KYAT1: variants seen among roughly 807,000 people sequenced by gnomAD.
KYAT1 encodes kynurenine aminotransferase 1, also known as kynurenine--oxoglutarate transaminase 1.
Under a neutral mutation model 52.4 loss-of-function variants are expected in KYAT1, and 47 were observed. The ratio of observed to expected loss-of-function variants is 0.90; its 90% CI spans 0.71 to 1.14. The LOEUF (loss-of-function observed/expected upper bound fraction) is 1.14. KYAT1 is among the 50% of genes most tolerant of loss of function. The pLI, the probability that KYAT1 is intolerant of heterozygous loss-of-function variation, is 0.00. For synonymous variants in KYAT1, 212 were observed against 209.6 expected (o/e 1.01, Z -0.10); for missense variants, 480 against 557.9 (o/e 0.86, Z 1.41).
chr9:128,869,879 G>A (rs981718130), intron 1 of KYAT1, among the ~76,000 whole-genome samples: 4 of 151,530 alleles, frequency 2.6e-5, no homozygotes, highest in African/African-American at 4.9e-5. Flanking sequence ...TCAGCCTCCC[G>A]AGTAGCTGGG....
chr9:128,836,520 A>C (rs1421005655), intron 7 of KYAT1, among the ~76,000 whole-genome samples: 5 of 151,870 alleles, frequency 3.3e-5, no homozygotes, highest in Non-Finnish European at 7.4e-5. Context: ...GCTGGTCTCA[A>C]ACTCCTGACC....
In KYAT1 at chr9:128,843,423, G is replaced by A. The variant is rs1025361722; in HGVS notation, c.54-622C>T. 2.7e-5 allele frequency among the ~76,000 whole-genome samples: 4 copies of A among 148,790 alleles called. No individual in the cohort carries two copies. In the East Asian group the frequency reaches 7.9e-4, roughly 29 times the overall value. On this transcript the variant is annotated intron_variant, in intron 2 of 12. Coordinates refer to ENST00000302586, the MANE Select transcript of KYAT1 (RefSeq NM_004059.5). ...TGACAGAGTTTCGCTCTATCCCCTA[G>A]GCTGGAGTGCAGTGGTGCAATCTCA...
chr9:128,854,445 C>T (rs2018156), intron 1 of KYAT1, among the ~76,000 whole-genome samples: 150,172 of 152,344 alleles, frequency 0.99, 74,044 homozygotes, highest in Middle Eastern at 1. Context: ...AGGTTTTGCT[C>T]GTGTTTCACC....
At position 128,858,395 on chromosome 9, in the gene KYAT1, T is replaced by TTAAAAAAAAAA; in HGVS notation, c.-6-12985_-6-12984insTTTTTTTTTTA. ...CTGGGCAACAGAGTGAGACCATGTA[T>TTAAAAAAAAAA]AAAAAAAAAAAAAAAAAAAAGCCCG... On this transcript the variant is annotated intron_variant, in intron 1 of 12. Transcript: ENST00000302586. 4.1e-4 allele frequency among the ~76,000 whole-genome samples: 27 copies of TTAAAAAAAAAA among 65,104 alleles called. 11 individuals carry two copies. The highest frequency in any genetic ancestry group is 1.5e-3 in the South Asian group (2 of 1,314). 42.7% of individuals were successfully genotyped at this position (65,104 alleles called of 152,430 possible).
chr9:128,845,556 G>A, intron 1 of KYAT1, 145 bp from the exon 2 acceptor site: 1 of 731,956 alleles, frequency 1.4e-6, no homozygotes, highest in Non-Finnish European at 2.3e-6. Context: ...TTTGCAGAAG[G>A]GCAGGTTTCT....
At chr9:128,851,476 T>C (rs972927479) in intron 1 of KYAT1, among the ~76,000 whole-genome samples, 2 of 152,170 alleles carry the variant, frequency 1.3e-5, no homozygotes, top group African/African-American at 4.8e-5. Flanking sequence ...GAAAATCTAA[T>C]TACGCTATTT....
At chr9:128,845,656 C>A in intron 1 of KYAT1, 1 of 532,052 alleles carries the variant, frequency 1.9e-6, no homozygotes, top group Non-Finnish European at 3.4e-6. Flanking sequence ...GCAGGGGCTG[C>A]CTGGCGCCTG....
rs1012352215 is a variant in KYAT1, at chr9:128,835,214, C to T, written c.1122+109G>A. The T allele has an allele frequency of 5.7e-5, 49 of 863,402 alleles. No homozygotes were observed. The African/African-American group carries it at 6.4e-4, about 11-fold the overall frequency. 53.5% of individuals were successfully genotyped at this position (863,402 alleles called of 1,614,324 possible). A position where few individuals can be genotyped will look rare whatever the true frequency, so the allele number is the denominator to read the frequency against. On this transcript the variant is annotated intron_variant, in intron 11 of 12. Coordinates refer to ENST00000302586, the MANE Select transcript of KYAT1 (RefSeq NM_004059.5). Reference sequence around the variant, plus strand: ...GGATACAACCCTGCCCCAAGGTTGACGGCAGAGGCTGGACTAAGATCTAGC... The same window carrying T: ...GGATACAACCCTGCCCCAAGGTTGATGGCAGAGGCTGGACTAAGATCTAGC...
intron 1 of KYAT1, among the ~76,000 whole-genome samples, chr9:128,873,910 C>T (rs1228584310): frequency 2.5e-4 from 37 of 148,308 alleles, no homozygotes; most frequent in Non-Finnish European, 3.4e-4. Flanking sequence ...TGCACCACTG[C>T]ACTCCAGCCC....
At chr9:128,847,403 G>T (rs771237701) in intron 1 of KYAT1, 122 of 1,442,106 alleles carry the variant, frequency 8.5e-5, no homozygotes, top group Non-Finnish European at 1.0e-4. Context: ...GGCCATGCAG[G>T]TGGCAGAGTA....
intron 1 of KYAT1, among the ~76,000 whole-genome samples, chr9:128,863,162 G>T (rs1368376297): frequency 1.3e-5 from 2 of 151,818 alleles, no homozygotes; most frequent in East Asian, 3.9e-4. Context: ...CCACAGGGTA[G>T]GTCTGTTCTA....
At chr9:128,874,565 C>T (rs1837693762) in intron 1 of KYAT1, among the ~76,000 whole-genome samples, 1 of 151,798 alleles carries the variant, frequency 6.6e-6, no homozygotes, top group South Asian at 2.1e-4. Context: ...CCTGCCTTAG[C>T]CTCCCAAAGT....
intron 1 of KYAT1, among the ~76,000 whole-genome samples, chr9:128,881,372 C>A (rs1479534805): frequency 1.3e-5 from 2 of 152,244 alleles, no homozygotes; most frequent in Non-Finnish European, 2.9e-5. Context: ...TGAGCCACCG[C>A]AACCGGCCCA....
intron 1 of KYAT1, among the ~76,000 whole-genome samples, chr9:128,858,423 C>T (rs1356685208): frequency 4.4e-4 from 19 of 42,838 alleles, no homozygotes; most frequent in African/African-American, 1.3e-3. Context: ...AAAGCCCGGG[C>T]ATGGTGGCTC....
At chr9:128,867,255 T>C (rs1005364853) in intron 1 of KYAT1, among the ~76,000 whole-genome samples, 2 of 152,112 alleles carry the variant, frequency 1.3e-5, no homozygotes, top group African/African-American at 2.4e-5. Flanking sequence ...TTATGGCTCA[T>C]TGCAGCTTAC....
At position 128,850,572 on chromosome 9, in the gene KYAT1, C is replaced by T. The variant is rs924888156; in HGVS notation, c.-6-5161G>A. Among the ~76,000 whole-genome samples, 5 of 152,294 alleles carry T rather than the reference C, an allele frequency of 3.3e-5. No homozygotes were observed. In the East Asian group the frequency reaches 9.7e-4, roughly 29 times the overall value. ...CCACAGGGACCTCTGCCTTGGAAAGCCGCGTATTGTCCGAGGTTTCTCCCC... is the reference window on the plus strand; with the variant it reads ...CCACAGGGACCTCTGCCTTGGAAAGTCGCGTATTGTCCGAGGTTTCTCCCC... On this transcript the variant is annotated intron_variant, in intron 1 of 12. Transcript: ENST00000302586.
intron 1 of KYAT1, among the ~76,000 whole-genome samples, chr9:128,878,517 G>T (rs1019284611): frequency 2.6e-5 from 4 of 152,086 alleles, no homozygotes; most frequent in Non-Finnish European, 2.9e-5. Context: ...ATTATATAAT[G>T]AATCCAAATT....
intron 1 of KYAT1, among the ~76,000 whole-genome samples, chr9:128,876,254 A>G (rs998876011): frequency 2.3e-5 from 3 of 129,760 alleles, no homozygotes; most frequent in African/African-American, 1.0e-4. Context: ...CTTTGCTTTT[A>G]AAAAAAAAAA....
intron 1 of KYAT1, among the ~76,000 whole-genome samples, chr9:128,862,076 C>T (rs560410030): frequency 2.0e-5 from 3 of 152,226 alleles, no homozygotes; most frequent in Non-Finnish European, 4.4e-5. Context: ...CACTCTCCCC[C>T]ACATCGGACT....
Sources: gnomAD v4.1 joint callset for allele counts (sites outside exome capture counted in the v4.1 genomes callset) on GRCh38, gnomAD v4.1.1 for gene constraint, MANE v1.5 for transcripts, NCBI Gene and HGNC (gene_info 2026-07-23, HGNC 2026-07-21) for gene names.